Variants in HOOK2 observed in about 807,000 individuals in gnomAD.
HOOK2 encodes the protein hook microtubule tethering protein 2.
Under a neutral mutation model 111.9 loss-of-function variants are expected in HOOK2, and 108 were observed. The ratio of observed to expected loss-of-function variants is 0.96; its 90% CI spans 0.83 to 1.13. The LOEUF is 1.13. HOOK2 is among the 50% of genes most tolerant of loss of function. The pLI is 0.00. For synonymous variants in HOOK2, 405 were observed against 394.3 expected, an observed-to-expected ratio of 1.03 and a Z score of -0.32; for missense variants, 978 against 951.3, an observed-to-expected ratio of 1.03 and a Z score of -0.37.
chr19:12,773,445 C>T (rs995810681), intron 3 of HOOK2, among the ~76,000 whole-genome samples: 2 of 151,858 alleles, frequency 1.3e-5, no homozygotes, highest in Non-Finnish European at 2.9e-5. Flanking sequence ...GGAGGTTTTG[C>T]TATGTAGCCC....
In HOOK2 at chr19:12,791,946, G is replaced by A; in HGVS notation, n.42-17721C>T. On this transcript the variant is annotated intron_variant and non_coding_transcript_variant, in intron 3 of 3. Transcript: ENST00000589765. The surrounding 1 kb of genome is among the most constrained non-coding windows in gnomAD (Gnocchi z 7.0). ...CAAAGCGCCTGGGGCTCGCGGACCC[G>A]GCCCAGAGGGCGGCGGTGGCGGCAG... The A allele has an allele frequency of 1.2e-6, 2 of 1,610,548 alleles. No homozygotes were observed. Among genetic ancestry groups the A allele is most frequent in the Non-Finnish European group, 1.7e-6 (2 of 1,179,228 alleles).
chr19:12,765,596 A>G lies in HOOK2; in HGVS notation c.1640+94T>C, dbSNP rs1968122059. The G allele has an allele frequency of 6.0e-6, 9 of 1,506,114 alleles. No homozygotes were observed. The Admixed American group carries it at 1.2e-4, about 20-fold the overall frequency. 93.3% of individuals were successfully genotyped at this position (1,506,114 alleles called of 1,614,324 possible). ...AACCCCGTCTCTACTAAAAATATAA[A>G]AAATCAGCCAGGCATGGTGGCACAT... On this transcript the variant is annotated intron_variant, in intron 18 of 22. Transcript: ENST00000397668.
At chr19:12,776,627 C>T (rs1331868741), upstream of HOOK2, among the ~76,000 whole-genome samples, 4 of 143,894 alleles carry the variant, frequency 2.8e-5, no homozygotes, top group African/African-American at 1.0e-4. Flanking sequence ...TGCAGTCAGC[C>T]GAGATCGTAC....
chr19:12,783,841 G>C (rs1261267263), intron 3 of HOOK2, among the ~76,000 whole-genome samples: 1 of 152,164 alleles, frequency 6.6e-6, no homozygotes, highest in Non-Finnish European at 1.5e-5. Flanking sequence ...AGTCCTTGCC[G>C]GGCAGGCCAT....
upstream of HOOK2, among the ~76,000 whole-genome samples, chr19:12,781,304 A>G (rs1453659119): frequency 6.6e-6 from 1 of 151,090 alleles, no homozygotes; most frequent in Non-Finnish European, 1.5e-5. Flanking sequence ...CTCCGTCTAA[A>G]AAAATAAAAT....
At chr19:12,773,663 T>A (rs1968405457) in intron 3 of HOOK2, among the ~76,000 whole-genome samples, 2 of 152,220 alleles carry the variant, frequency 1.3e-5, no homozygotes, top group Admixed American at 1.3e-4. Context: ...GTGCACCAGC[T>A]GCCTCTCCTC....
At chr19:12,780,646 C>A (rs1222065129), upstream of HOOK2, among the ~76,000 whole-genome samples, 1 of 134,444 alleles carries the variant, frequency 7.4e-6, no homozygotes, top group Non-Finnish European at 1.6e-5. Flanking sequence ...TGAACCACCG[C>A]GCCCGGCCTT....
At chr19:12,763,475 C>G in intron 22 of HOOK2, 44 bp from the exon 23 acceptor site, 3 of 1,613,438 alleles carry the variant, frequency 1.9e-6, no homozygotes, top group Non-Finnish European at 2.5e-6. Flanking sequence ...CTCACAGGAC[C>G]CCCCCACCAA....
At position 12,763,281 on chromosome 19, in the gene HOOK2, G is replaced by A. The variant is rs1968048611; in HGVS notation, c.*1C>T. ...CCAGGCTGGCTTGATTGTGAGGTCT[G>A]TCAGTGCTTGTCAGTGGGGCGAAGG... On this transcript the variant is annotated 3_prime_UTR_variant, in exon 23 of 23. Coordinates refer to ENST00000397668, the MANE Select transcript of HOOK2 (RefSeq NM_013312.3). 1.2e-6 allele frequency: 2 copies of A among 1,612,638 alleles called. No individual in the cohort carries two copies. Among genetic ancestry groups the A allele is most frequent in the African/African-American group, 1.3e-5 (1 of 74,914 alleles).
intron 1 of HOOK2, chr19:12,775,142 A>G: frequency 1.0e-6 from 1 of 968,916 alleles, no homozygotes; most frequent in Non-Finnish European, 1.2e-6. Context: ...CCTGGGCCCC[A>G]CAGGCACCAC....
At chr19:12,792,293 C>T (rs1968729625) in intron 3 of HOOK2, 7 of 1,496,798 alleles carry the variant, frequency 4.7e-6, no homozygotes, top group Non-Finnish European at 5.4e-6. Context: ...GCGTCTACGC[C>T]GGCCCGGAGC....
chr19:12,782,887 C>CG (rs1048102607), upstream of HOOK2, among the ~76,000 whole-genome samples: 73 of 116,972 alleles, frequency 6.2e-4, no homozygotes, highest in African/African-American at 2.8e-3. Flanking sequence ...GAGCTGAGAC[C>CG]CCCCCCCCAG....
intron 3 of HOOK2, among the ~76,000 whole-genome samples, chr19:12,787,685 C>T (rs1272024534): frequency 6.6e-6 from 1 of 151,856 alleles, no homozygotes. Context: ...TCAAGTGATC[C>T]TCCCCCTCGG....
At chr19:12,770,160 C>T in intron 10 of HOOK2, 78 bp from the exon 11 acceptor site, 4 of 1,275,168 alleles carry the variant, frequency 3.1e-6, no homozygotes, top group Non-Finnish European at 4.1e-6. Context: ...GCCCTTGGAG[C>T]ACAGGGTGTT....
intron 20 of HOOK2, among the ~76,000 whole-genome samples, chr19:12,764,196 G>A (rs902548085): frequency 4.6e-5 from 7 of 151,400 alleles, no homozygotes; most frequent in East Asian, 1.9e-4. Context: ...TCTATTTTTC[G>A]TAGAGACGGG....
chr19:12,792,114 G>T, intron 3 of HOOK2: 1 of 1,598,972 alleles, frequency 6.3e-7, no homozygotes, highest in East Asian at 2.3e-5. Flanking sequence ...CCCCCGCGGG[G>T]GTGGCAGCGG....
upstream of HOOK2, among the ~76,000 whole-genome samples, chr19:12,777,691 C>G (rs1968554532): frequency 6.6e-6 from 1 of 152,262 alleles, no homozygotes; most frequent in Non-Finnish European, 1.5e-5. Context: ...TCACCCCCAC[C>G]TCAGAACCCA....
chr19:12,767,597 G>T, intron 13 of HOOK2, 133 bp from the exon 14 acceptor site: 1 of 899,306 alleles, frequency 1.1e-6, no homozygotes, highest in Non-Finnish European at 1.8e-6. Context: ...CTCCATCCCC[G>T]GCTTGATAGA....
chr19:12,771,433 G>A lies in HOOK2; in HGVS notation c.564C>T (p.Asp188=). The change falls in exon 8 of 23, where the codon GAC becomes GAT. Residue 188 remains aspartate, a synonymous_variant. Transcript: ENST00000397668. The part of the protein sequence containing the change: ...YFLSEEAEEG[D]ELQQRCLDLE... ...GATCCAGACAGCGCTGCTGTAATTCGTCCCCCTCCTCAGCCTCCTCACTTA... is the reference window on the plus strand; with the variant it reads ...GATCCAGACAGCGCTGCTGTAATTCATCCCCCTCCTCAGCCTCCTCACTTA... 1.2e-6 allele frequency: 2 copies of A among 1,613,652 alleles called. No homozygotes were observed. The highest frequency in any genetic ancestry group is 1.7e-6 in the Non-Finnish European group (2 of 1,179,824).
Sources: allele counts gnomAD v4.1 joint callset (sites outside exome capture counted in the v4.1 genomes callset), GRCh38; gene constraint gnomAD v4.1.1; non-coding constraint Gnocchi (gnomAD v3.1); transcripts MANE v1.5; gene names NCBI Gene and HGNC (gene_info 2026-07-23, HGNC 2026-07-21).